Variants in COPZ1 observed in about 807,000 individuals in gnomAD.
The protein encoded by COPZ1 is coatomer subunit zeta-1.
In COPZ1, 4 loss-of-function variants were observed where a neutral mutation model predicts 31.7. The ratio of observed to expected loss-of-function variants is 0.13; its 90% CI spans 0.06 to 0.29. The LOEUF (loss-of-function observed/expected upper bound fraction) is 0.29, where lower values mean the gene tolerates loss of function less well. COPZ1 is among the 10% of genes least tolerant of loss of function. The pLI is 1.00. For missense variants in COPZ1, 156 were observed against 211.5 expected (o/e 0.74, Z 1.63); for synonymous variants, 74 against 79.0 (o/e 0.94, Z 0.33).
rs1483675362 is a variant in COPZ1 at position 54,340,533 on chromosome 12, T to C, written c.19-14T>C. 1 of 1,613,796 alleles carries C rather than the reference T, an allele frequency of 6.2e-7. No homozygotes were observed. The highest frequency in any genetic ancestry group is 1.3e-5 in the African/African-American group (1 of 74,906). The stretch of plus-strand genomic sequence containing the variant: ...GGAGGCTTCAGGACTGAAGGTATGT[T>C]CGTATCTCTTCAGGAACCTTCCCTG... On this transcript the variant is annotated splice_polypyrimidine_tract_variant and intron_variant, in intron 1 of 8. Coordinates refer to ENST00000262061, the MANE Select transcript of COPZ1 (RefSeq NM_016057.3).
In COPZ1 at chr12:54,329,248, A is replaced by G. The variant is rs1953711591; in HGVS notation, c.18+4067A>G. 2.0e-5 allele frequency among the ~76,000 whole-genome samples: 3 copies of G among 152,080 alleles called. No homozygotes were observed. In the South Asian group the frequency reaches 6.2e-4, roughly 32 times the overall value. Reference sequence around the variant, plus strand: ...ACCATTCTCCATTAATAACCTGTGGAATCTTAAAGATAAGGATTTCCCCTT... The same window carrying G: ...ACCATTCTCCATTAATAACCTGTGGGATCTTAAAGATAAGGATTTCCCCTT... On this transcript the variant is annotated intron_variant, in intron 1 of 8. Transcript: ENST00000262061.
At chr12:54,328,237 C>CG in intron 1 of COPZ1, among the ~76,000 whole-genome samples, 1 of 145,070 alleles carries the variant, frequency 6.9e-6, no homozygotes, top group South Asian at 2.3e-4. Context: ...GATCGCGCCA[C>CG]TGCACTCCAG....
At position 54,350,882 on chromosome 12, in the gene COPZ1, C is replaced by T; in HGVS notation, c.*359C>T. On this transcript the variant is annotated 3_prime_UTR_variant, in exon 9 of 9. Transcript: ENST00000262061. ...AGATTAAAGTAGGAGAAAGAATGTG[C>T]TGAGTGTTTTCCTCCCTTTGCCTCT... 3.5e-6 allele frequency: 1 copy of T among 282,668 alleles called. No homozygotes were observed. The highest frequency in any genetic ancestry group is 7.0e-6 in the Non-Finnish European group (1 of 143,882). The allele number at this position is 282,668 out of a possible 1,614,324, so 17.5% of individuals were successfully genotyped here. A position where few individuals can be genotyped will look rare whatever the true frequency, so the allele number is the denominator to read the frequency against.
chr12:54,350,639 C>T lies in COPZ1; in HGVS notation c.*116C>T, dbSNP rs1954131453. The T allele has an allele frequency of 8.3e-6, 7 of 845,944 alleles. No individual in the cohort carries two copies. The highest frequency in any genetic ancestry group is 7.1e-5 in the Admixed American group (4 of 56,472). The allele number at this position is 845,944 out of a possible 1,614,324, so 52.4% of individuals were successfully genotyped here. A position where few individuals can be genotyped will look rare whatever the true frequency, so the allele number is the denominator to read the frequency against. On this transcript the variant is annotated 3_prime_UTR_variant, in exon 9 of 9. Transcript: ENST00000262061. ...GGTCATCTCGGGGATCACAGGGATC[C>T]TTAAATCTCCATTCTGTTTGTGGTT...
intron 2 of COPZ1, among the ~76,000 whole-genome samples, chr12:54,341,814 A>C (rs528170759): frequency 3.9e-5 from 6 of 152,226 alleles, no homozygotes; most frequent in Non-Finnish European, 8.8e-5. Context: ...GGTCTATGGA[A>C]GTGTTCTGTG....
chr12:54,337,157 A>G, intron 1 of COPZ1: 1 of 532,590 alleles, frequency 1.9e-6, no homozygotes, highest in Non-Finnish European at 3.9e-6. Context: ...ACATAAATAC[A>G]TGAAAATCTG....
chr12:54,334,871 A>G (rs993315955), intron 1 of COPZ1, among the ~76,000 whole-genome samples: 3 of 152,018 alleles, frequency 2.0e-5, no homozygotes, highest in African/African-American at 7.3e-5. Context: ...AAATAAAAAA[A>G]TAAATAAAAG....
chr12:54,345,326 C>T (rs192450309), intron 4 of COPZ1, 134 bp from the exon 5 acceptor site: 59 of 608,568 alleles, frequency 9.7e-5, no homozygotes, highest in African/African-American at 9.5e-4. Flanking sequence ...TGTGCTCTCA[C>T]TTCCACTTTA....
In COPZ1 at chr12:54,331,466, A is replaced by G. The variant is rs574708537; in HGVS notation, c.18+6285A>G. 2.6e-5 allele frequency among the ~76,000 whole-genome samples: 4 copies of G among 152,232 alleles called. No homozygotes were observed. The East Asian group carries it at 7.7e-4, about 29-fold the overall frequency. Reference sequence around the variant, plus strand: ...AGTGCTGGGATTACAGGTGTGAGCCACTGCGCCCGGCCTATTTTCTCACTC... The same window carrying G: ...AGTGCTGGGATTACAGGTGTGAGCCGCTGCGCCCGGCCTATTTTCTCACTC... On this transcript the variant is annotated intron_variant, in intron 1 of 8. Transcript: ENST00000262061.
intron 1 of COPZ1, among the ~76,000 whole-genome samples, chr12:54,330,318 C>G (rs1020409437): frequency 8.5e-5 from 13 of 152,154 alleles, no homozygotes; most frequent in Admixed American, 4.6e-4. Context: ...TGTGCTGTTA[C>G]TCTGGCCAGC....
chr12:54,341,994 G>T (rs971903168), intron 2 of COPZ1, among the ~76,000 whole-genome samples: 4 of 152,174 alleles, frequency 2.6e-5, no homozygotes, highest in Non-Finnish European at 4.4e-5. Flanking sequence ...TGTGAGGTGG[G>T]GTTGCTTATG....
chr12:54,329,179 G>A (rs571403344), intron 1 of COPZ1, among the ~76,000 whole-genome samples: 1 of 152,136 alleles, frequency 6.6e-6, no homozygotes, highest in African/African-American at 2.4e-5. Context: ...GTATCTGCTG[G>A]TTCTCGCTTT....
At chr12:54,338,481 G>T (rs935200789) in intron 1 of COPZ1, among the ~76,000 whole-genome samples, 3 of 152,154 alleles carry the variant, frequency 2.0e-5, no homozygotes, top group African/African-American at 4.8e-5. Context: ...CTCATGCCTT[G>T]TTTATTCCAG....
At chr12:54,349,530 G>T in intron 7 of COPZ1, 90 bp from the exon 8 acceptor site, 1 of 1,027,602 alleles carries the variant, frequency 9.7e-7, no homozygotes. Context: ...TCAGTTTAAA[G>T]GATCACTTTT....
intron 5 of COPZ1, among the ~76,000 whole-genome samples, chr12:54,345,956 CAA>C (rs776353254): frequency 1.7e-4 from 16 of 96,722 alleles, no homozygotes; most frequent in Non-Finnish European, 2.3e-4. Context: ...GACTCTGTCT[CAA>C]AAAAAAAAAA....
At chr12:54,343,973 G>A (rs1198770791) in intron 4 of COPZ1, among the ~76,000 whole-genome samples, 1 of 152,138 alleles carries the variant, frequency 6.6e-6, no homozygotes, top group African/African-American at 2.4e-5. Flanking sequence ...TTACAAATGA[G>A]GAAACCAAAC....
intron 7 of COPZ1, among the ~76,000 whole-genome samples, chr12:54,348,681 G>A (rs1321943127): frequency 6.6e-6 from 1 of 152,086 alleles, no homozygotes; most frequent in Non-Finnish European, 1.5e-5. Flanking sequence ...AGGTTGCAGT[G>A]AGCCGAGATT....
chr12:54,348,108 G>A, intron 7 of COPZ1, 57 bp downstream of exon 7: 1 of 1,526,686 alleles, frequency 6.6e-7, no homozygotes, highest in South Asian at 1.1e-5. Context: ...ACCCTCCAGA[G>A]CCAGACCTGC....
chr12:54,348,151 A>G, intron 7 of COPZ1, 100 bp downstream of exon 7: 1 of 960,810 alleles, frequency 1.0e-6, no homozygotes, highest in Non-Finnish European at 1.7e-6. Flanking sequence ...CTCATAGGAT[A>G]CATACAACCT....
Sources: gnomAD v4.1 joint callset for allele counts (sites outside exome capture counted in the v4.1 genomes callset) on GRCh38, gnomAD v4.1.1 for gene constraint, MANE v1.5 for transcripts, NCBI Gene and HGNC (gene_info 2026-07-23, HGNC 2026-07-21) for gene names.